Variants in ZMYM2 observed in about 807,000 individuals in gnomAD.
ZMYM2 encodes zinc finger MYM-type protein 2.
A neutral mutation model predicts 162.8 loss-of-function variants in ZMYM2; 56 were observed. The observed-to-expected ratio is 0.34, with a 90% CI of 0.28 to 0.43. The LOEUF (loss-of-function observed/expected upper bound fraction) is 0.43, where lower values mean the gene tolerates loss of function less well. Among genes scored for constraint, ZMYM2 ranks in the 20% least tolerant of loss-of-function variants. The pLI is 1.00. For synonymous variants in ZMYM2, 510 were observed against 541.6 expected (o/e 0.94, Z 0.81); for missense variants, 1,275 against 1,621.8 (o/e 0.79, Z 3.67).
the ZMYM2 span, among the ~76,000 whole-genome samples, chr13:19,870,546 T>TTC: frequency 2.3e-4 from 25 of 107,408 alleles, no homozygotes; most frequent in Middle Eastern, 4.3e-3. Flanking sequence ...TCTCTTTCTT[T>TTC]CTTTCTTCCT....
At position 20,087,612 on chromosome 13, in the gene ZMYM2, T is replaced by C. The variant is rs1958347366; in HGVS notation, c.*1598T>C. The C allele has an allele frequency of 5.4e-6, 1 of 184,864 alleles. No individual in the cohort carries two copies. Among genetic ancestry groups the C allele is most frequent in the Non-Finnish European group, 1.1e-5 (1 of 87,174 alleles). The allele number at this position is 184,864 out of a possible 1,614,324, so 11.5% of individuals were successfully genotyped here. ...ATTTTCTCAATTCTGATTTGGAAAA[T>C]TTCACAGGTGTCATTATTGTATATC... On this transcript the variant is annotated 3_prime_UTR_variant, in exon 25 of 25. Transcript: ENST00000610343.
chr13:19,890,847 G>C, the ZMYM2 span, among the ~76,000 whole-genome samples: 1 of 151,376 alleles, frequency 6.6e-6, no homozygotes, highest in Non-Finnish European at 1.5e-5. Flanking sequence ...ACTCCAGCCT[G>C]GGCAACAGAG....
intron 6 of ZMYM2, among the ~76,000 whole-genome samples, chr13:20,014,952 A>G (rs531674084): frequency 6.6e-6 from 1 of 151,838 alleles, no homozygotes; most frequent in Non-Finnish European, 1.5e-5. Flanking sequence ...TTTAGTAGAG[A>G]TGGGGTTTCA....
chr13:20,036,958 C>T lies in ZMYM2; in HGVS notation c.2292+49C>T, dbSNP rs775489965. On this transcript the variant is annotated intron_variant, in intron 12 of 24. Transcript: ENST00000610343. ...AGCTACTTTAACCAGTCTTAAAAAA[C>T]GTTGTAGCTGTTACCATTACAAATC... 1.0e-5 allele frequency: 15 copies of T among 1,497,086 alleles called. No individual in the cohort carries two copies. The East Asian group carries it at 1.7e-4, about 17-fold the overall frequency. 92.7% of individuals were successfully genotyped at this position (1,497,086 alleles called of 1,614,324 possible).
In ZMYM2 at chr13:20,086,072, A is replaced by G; in HGVS notation, c.*58A>G. ...CAGCATTAGATAGTCATGCTGCTAG[A>G]TCTTTATTATGGAAAACATTTCAAG... is the stretch of plus-strand genomic sequence containing the variant. On this transcript the variant is annotated 3_prime_UTR_variant, in exon 25 of 25. Transcript: ENST00000610343. 6.5e-7 allele frequency: 1 copy of G among 1,528,956 alleles called. No homozygotes were observed. 94.7% of individuals were successfully genotyped at this position (1,528,956 alleles called of 1,614,324 possible). A position where few individuals can be genotyped will look rare whatever the true frequency, so the allele number is the denominator to read the frequency against.
intron 9 of ZMYM2, among the ~76,000 whole-genome samples, chr13:20,030,418 A>G (rs1201148164): frequency 1.4e-5 from 1 of 73,898 alleles, no homozygotes; most frequent in Admixed American, 1.7e-4. Flanking sequence ...TTTTTTTTTG[A>G]GACGGAGTCT....
chr13:20,045,662 CAATA>C (rs1954705397), intron 12 of ZMYM2, among the ~76,000 whole-genome samples: 2 of 152,094 alleles, frequency 1.3e-5, no homozygotes, highest in Admixed American at 6.5e-5. Context: ...AATCTCAAAA[CAATA>C]AAGGCATTTA....
At chr13:20,046,562 A>ATAT (rs150664616) in intron 12 of ZMYM2, among the ~76,000 whole-genome samples, 2,692 of 18,704 alleles carry the variant, frequency 0.14, 36 homozygotes, top group Non-Finnish European at 0.28. Flanking sequence ...TCTAAAAAAA[A>ATAT]AAATATATAT....
intron 3 of ZMYM2, among the ~76,000 whole-genome samples, chr13:19,996,425 A>AT (rs1950021611): frequency 1.3e-5 from 2 of 151,586 alleles, no homozygotes; most frequent in South Asian, 2.1e-4. Flanking sequence ...TCTACTAAAG[A>AT]TAAAAAAAAA....
intron 9 of ZMYM2, among the ~76,000 whole-genome samples, chr13:20,029,783 TTG>T (rs1952914277): frequency 6.6e-6 from 1 of 152,090 alleles, no homozygotes; most frequent in Non-Finnish European, 1.5e-5. Context: ...TATGCTTATA[TTG>T]TGTCTTATTC....
intron 7 of ZMYM2, among the ~76,000 whole-genome samples, chr13:20,020,522 C>T (rs1759061326): frequency 6.6e-6 from 1 of 152,178 alleles, no homozygotes; most frequent in Non-Finnish European, 1.5e-5. Context: ...CCGCGCCCGG[C>T]CCATTATTTC....
At chr13:19,979,570 C>T (rs1218668126) in intron 2 of ZMYM2, among the ~76,000 whole-genome samples, 2 of 151,954 alleles carry the variant, frequency 1.3e-5, no homozygotes, top group East Asian at 3.9e-4. Context: ...GGTCATGTCT[C>T]AGTAAATCTG....
rs368185770 is a variant in ZMYM2, at chr13:20,031,282, A to G, written c.1852-37A>G. 34 of 1,413,970 alleles carry G rather than the reference A, an allele frequency of 2.4e-5. No homozygotes were observed. The African/African-American group carries it at 3.4e-4, about 14-fold the overall frequency. 87.6% of individuals were successfully genotyped at this position (1,413,970 alleles called of 1,614,324 possible). On this transcript the variant is annotated intron_variant, in intron 9 of 24. Transcript: ENST00000610343. Reference sequence around the variant, plus strand: ...TAATCACAAATAGAAATTCAAACATACATGTCAGGCTTAGTATCTTTTGTT... The same window carrying G: ...TAATCACAAATAGAAATTCAAACATGCATGTCAGGCTTAGTATCTTTTGTT...
chr13:19,878,665 G>A, the ZMYM2 span, among the ~76,000 whole-genome samples: 1 of 151,828 alleles, frequency 6.6e-6, no homozygotes, highest in Non-Finnish European at 1.5e-5. Context: ...GGGATTACAG[G>A]CACTCACCAC....
At chr13:19,993,024 A>C in intron 2 of ZMYM2, 39 bp from the exon 3 acceptor site, 1 of 1,530,298 alleles carries the variant, frequency 6.5e-7, no homozygotes, top group Non-Finnish European at 8.7e-7. Context: ...ATAAAAAGTC[A>C]TACTGACATT....
chr13:19,986,056 G>A (rs1460413769), intron 2 of ZMYM2, among the ~76,000 whole-genome samples: 1 of 151,944 alleles, frequency 6.6e-6, no homozygotes, highest in African/African-American at 2.4e-5. Context: ...CTGGCGTGTG[G>A]CGTGTGCCTG....
At chr13:19,898,680 C>G in the ZMYM2 span, among the ~76,000 whole-genome samples, 2 of 152,036 alleles carry the variant, frequency 1.3e-5, no homozygotes, top group African/African-American at 4.8e-5. Context: ...AATCCCAGGA[C>G]TTTGGGAGGC....
chr13:20,059,671 C>T (rs1012522041), intron 16 of ZMYM2, 109 bp downstream of exon 16: 1 of 648,674 alleles, frequency 1.5e-6, no homozygotes, highest in Non-Finnish European at 2.7e-6. Flanking sequence ...CATGCATCCA[C>T]ATATGTGGAT....
chr13:19,966,754 A>T (rs1955827124), intron 2 of ZMYM2, among the ~76,000 whole-genome samples: 1 of 152,108 alleles, frequency 6.6e-6, no homozygotes, highest in Admixed American at 6.6e-5. Flanking sequence ...TTGTTTTTTT[A>T]CCTAAAGAAA....
Sources: gnomAD v4.1 joint callset for allele counts (sites outside exome capture counted in the v4.1 genomes callset) on GRCh38, gnomAD v4.1.1 for gene constraint, MANE v1.5 for transcripts, NCBI Gene and HGNC (gene_info 2026-07-23, HGNC 2026-07-21) for gene names.